GCSAML: variants seen among roughly 807,000 people sequenced by gnomAD.
The protein encoded by GCSAML is germinal center-associated signaling and motility-like protein.
GCSAML carries 9 observed loss-of-function variants against 13.0 expected under a neutral mutation model. The ratio of observed to expected loss-of-function variants is 0.69; its 90% CI spans 0.42 to 1.21. GCSAML has a LOEUF of 1.21. GCSAML is among the 50% of genes most tolerant of loss of function. The pLI is 0.00. For synonymous variants in GCSAML, 37 were observed against 52.9 expected (o/e 0.70, Z 1.31); for missense variants, 143 against 153.4 (o/e 0.93, Z 0.36).
intron 4 of GCSAML, among the ~76,000 whole-genome samples, chr1:247,569,690 A>G (rs940158978): frequency 6.6e-6 from 1 of 152,012 alleles, no homozygotes; most frequent in African/African-American, 2.4e-5. Flanking sequence ...GTCTCTGGCA[A>G]GTTTTCATAT....
In GCSAML at chr1:247,526,944, T is replaced by A; in HGVS notation, c.-258T>A. 2.2e-6 allele frequency: 1 copy of A among 456,564 alleles called. No individual in the cohort carries two copies. The highest frequency in any genetic ancestry group is 1.6e-5 in the South Asian group (1 of 64,430). 28.3% of individuals were successfully genotyped at this position (456,564 alleles called of 1,614,324 possible). A position where few individuals can be genotyped will look rare whatever the true frequency, so the allele number is the denominator to read the frequency against. On this transcript the variant is annotated 5_prime_UTR_variant, in exon 2 of 6. Transcript: ENST00000366489. This position sits in a 1 kb window ranked among gnomAD's most constrained non-coding sequence, Gnocchi z 4.8. ...TCTTCTTTCACTTTCTTTCAGGATT[T>A]ACTGCCTCAAGATGGTTATGTTGGA...
chr1:247,509,899 T>C (rs958294417), intron 1 of GCSAML, among the ~76,000 whole-genome samples: 2 of 152,218 alleles, frequency 1.3e-5, no homozygotes, highest in African/African-American at 4.8e-5. Flanking sequence ...CTGGATTTGG[T>C]TTGCCAGTAT....
chr1:247,539,750 T>A (rs1186987487), intron 2 of GCSAML, among the ~76,000 whole-genome samples: 2 of 152,166 alleles, frequency 1.3e-5, no homozygotes, highest in African/African-American at 4.8e-5. Context: ...TTTAAAGATA[T>A]CCAGATTACA....
chr1:247,530,849 C>T (rs1017431078), intron 2 of GCSAML: 4 of 83,254 alleles, frequency 4.8e-5, no homozygotes, highest in African/African-American at 1.2e-4. Context: ...TAACGGCCTC[C>T]GGGCGCATTT....
At chr1:247,514,344 TTTGAG>T (rs1558232579) in intron 1 of GCSAML, among the ~76,000 whole-genome samples, 1 of 152,216 alleles carries the variant, frequency 6.6e-6, no homozygotes, top group African/African-American at 2.4e-5. Context: ...CTCGCACTGA[TTTGAG>T]TTCTTTGTAG....
chr1:247,577,267 G>GTCC lies in GCSAML; in HGVS notation c.*2886_*2887insCCT, dbSNP rs1553309387. 2 of 152,124 alleles carry GTCC rather than the reference G, an allele frequency of 1.3e-5. No homozygotes were observed. Among genetic ancestry groups the GTCC allele is most frequent in the Non-Finnish European group, 2.9e-5 (2 of 68,026 alleles). 9.4% of individuals were successfully genotyped at this position (152,124 alleles called of 1,614,324 possible). On this transcript the variant is annotated 3_prime_UTR_variant, in exon 5 of 5. Transcript: ENST00000366488. Reference sequence around the variant, plus strand: ...TTATATACAAGAAAATGTAACCACTGTAAGGGTAGAGTTATAAGAATTTTG... The same window carrying GTCC: ...TTATATACAAGAAAATGTAACCACTGTCCTAAGGGTAGAGTTATAAGAATTTTG...
At chr1:247,565,907 T>G in intron 3 of GCSAML, 24 bp from the exon 4 acceptor site, 2 of 1,270,140 alleles carry the variant, frequency 1.6e-6, no homozygotes, top group Non-Finnish European at 1.1e-6. Context: ...TTTCTTTCTT[T>G]TTTTTTTTTT....
chr1:247,523,668 G>A (rs78398999), intron 1 of GCSAML, among the ~76,000 whole-genome samples: 12,454 of 152,204 alleles, frequency 0.082, 617 homozygotes, highest in Non-Finnish European at 0.11. Context: ...GGGTTAGGAG[G>A]AAACTAGCTG....
At chr1:247,540,650 A>G (rs947426539) in intron 2 of GCSAML, among the ~76,000 whole-genome samples, 2 of 152,214 alleles carry the variant, frequency 1.3e-5, no homozygotes, top group Non-Finnish European at 2.9e-5. Context: ...GAGCAGATGT[A>G]TGAACTGAAG....
At chr1:247,543,569 G>A (rs182622440) in intron 2 of GCSAML, among the ~76,000 whole-genome samples, 2 of 152,204 alleles carry the variant, frequency 1.3e-5, no homozygotes, top group South Asian at 2.1e-4. Context: ...AGTAATTATC[G>A]TGGACAAAGC....
intron 1 of GCSAML, among the ~76,000 whole-genome samples, chr1:247,516,600 T>C (rs566700808): frequency 6.6e-6 from 1 of 151,250 alleles, no homozygotes; most frequent in East Asian, 2.0e-4. Flanking sequence ...GCACTTTATA[T>C]ATGGCTGGTG....
In GCSAML at chr1:247,575,882, T is replaced by A. The variant is rs540094125; in HGVS notation, c.*1500T>A. 6.6e-6 allele frequency: 1 copy of A among 152,230 alleles called. No individual in the cohort carries two copies. Among genetic ancestry groups the A allele is most frequent in the Non-Finnish European group, 1.5e-5 (1 of 68,036 alleles). The allele number at this position is 152,230 out of a possible 1,614,324, so 9.4% of individuals were successfully genotyped here. ...ATGCTTTCTTTCCCAAGAAGTTTTT[T>A]AATGATATGCCAGCTTCCTAATTTG... On this transcript the variant is annotated 3_prime_UTR_variant, in exon 5 of 5. Transcript: ENST00000366488.
At chr1:247,536,370 T>C (rs996644370) in intron 2 of GCSAML, 1 of 152,222 alleles carries the variant, frequency 6.6e-6, no homozygotes, top group Admixed American at 6.5e-5. Flanking sequence ...TAGATTCTGT[T>C]CAAATTCATG....
chr1:247,548,147 T>G (rs991207529), upstream of GCSAML, among the ~76,000 whole-genome samples: 23 of 152,244 alleles, frequency 1.5e-4, no homozygotes, highest in African/African-American at 5.5e-4. This position sits in a 1 kb window ranked among gnomAD's most constrained non-coding sequence, Gnocchi z 5.3. Context: ...AAATAGATTT[T>G]GTGTTGGTTG....
At chr1:247,543,799 A>ATTTTTTTTTTTTTTTTTTTTTTTTT (rs1265521616) in intron 2 of GCSAML, among the ~76,000 whole-genome samples, 5 of 151,694 alleles carry the variant, frequency 3.3e-5, no homozygotes, top group Non-Finnish European at 2.9e-5. Flanking sequence ...TATTAAAAAA[A>ATTTTTTTTTTTTTTTTTTTTTTTTT]TTTTTTTAGA....
rs1302310324 is a variant in GCSAML, at chr1:247,527,149, A to T, written c.-148+95A>T. ...TAGGGAGCAGTTGGGTGAGCACATG[A>T]CCAATCAGCCTGAGCATTTAAGGCA... is the stretch of plus-strand genomic sequence containing the variant. On this transcript the variant is annotated intron_variant, in intron 2 of 5. Coordinates refer to the GCSAML transcript ENST00000366489. This position sits in a 1 kb window ranked among gnomAD's most constrained non-coding sequence, Gnocchi z 4.6. The T allele has an allele frequency of 2.3e-6, 1 of 442,842 alleles. No individual in the cohort carries two copies. Among genetic ancestry groups the T allele is most frequent in the Admixed American group, 2.4e-5 (1 of 41,682 alleles). The allele number at this position is 442,842 out of a possible 1,614,324, so 27.4% of individuals were successfully genotyped here. A position where few individuals can be genotyped will look rare whatever the true frequency, so the allele number is the denominator to read the frequency against.
At chr1:247,557,947 C>T (rs1668009109) in intron 2 of GCSAML, among the ~76,000 whole-genome samples, 1 of 152,050 alleles carries the variant, frequency 6.6e-6, no homozygotes, top group African/African-American at 2.4e-5. Context: ...GCTTTTGTTT[C>T]ATCATGTCTA....
chr1:247,539,893 G>A (rs987944484), intron 2 of GCSAML, among the ~76,000 whole-genome samples: 3 of 152,096 alleles, frequency 2.0e-5, no homozygotes, highest in Non-Finnish European at 1.5e-5. Context: ...TAATCCATGA[G>A]TATCTACTGT....
At chr1:247,568,989 C>G (rs1218901636) in intron 4 of GCSAML, among the ~76,000 whole-genome samples, 1 of 105,416 alleles carries the variant, frequency 9.5e-6, no homozygotes, top group African/African-American at 3.0e-5. Flanking sequence ...GGAGTCCACT[C>G]ATGATTTGGC....
Sources: gnomAD v4.1 joint callset for allele counts (sites outside exome capture counted in the v4.1 genomes callset) on GRCh38, gnomAD v4.1.1 for gene constraint, Gnocchi (gnomAD v3.1) non-coding constraint, MANE v1.5 for transcripts, NCBI Gene and HGNC (gene_info 2026-07-23, HGNC 2026-07-21) for gene names.